Variants in TTC28 observed in about 807,000 individuals in gnomAD.
TTC28 encodes the protein tetratricopeptide repeat domain 28.
TTC28 carries 61 observed loss-of-function variants against 198.0 expected under a neutral mutation model. That is an observed-to-expected ratio of 0.31 (90% CI 0.25 to 0.38). The LOEUF is 0.38. Among genes scored for constraint, TTC28 ranks in the 10% least tolerant of loss-of-function variants. The probability of loss-of-function intolerance (pLI) is 1.00; values close to 1 mark genes in which losing one functional copy is unlikely to be tolerated. For missense variants in TTC28, 2,678 were observed against 3,164.0 expected (o/e 0.85, Z 3.69); for synonymous variants, 1,171 against 1,297.8 (o/e 0.90, Z 2.10).
At chr22:28,391,285 C>A (rs1044961179) in intron 2 of TTC28, among the ~76,000 whole-genome samples, 1 of 152,152 alleles carries the variant, frequency 6.6e-6, no homozygotes, top group Non-Finnish European at 1.5e-5. Flanking sequence ...TTTTTTCCTT[C>A]ATTTCAACTT....
At chr22:28,375,505 T>A (rs1405222965) in intron 2 of TTC28, among the ~76,000 whole-genome samples, 1 of 152,230 alleles carries the variant, frequency 6.6e-6, no homozygotes, top group African/African-American at 2.4e-5. Context: ...TTGTACATTA[T>A]TTAGAGTATT....
intron 2 of TTC28, among the ~76,000 whole-genome samples, chr22:28,621,622 A>T (rs1427166448): frequency 1.3e-5 from 2 of 151,566 alleles, no homozygotes; most frequent in Non-Finnish European, 2.9e-5. Flanking sequence ...ACATGCCTGT[A>T]GTCCCAGCTA....
intron 12 of TTC28, among the ~76,000 whole-genome samples, chr22:28,086,816 T>C (rs1359191847): frequency 6.6e-6 from 1 of 152,036 alleles, no homozygotes; most frequent in African/African-American, 2.4e-5. Flanking sequence ...CAATAAAAAA[T>C]GATAAAGGGG....
chr22:28,637,384 T>A (rs2051292349), intron 1 of TTC28, among the ~76,000 whole-genome samples: 1 of 152,220 alleles, frequency 6.6e-6, no homozygotes, highest in Admixed American at 6.5e-5. Context: ...TTACACTTTA[T>A]GGCATGTGAT....
chr22:28,499,185 T>C (rs534946316), intron 2 of TTC28, among the ~76,000 whole-genome samples: 3 of 152,084 alleles, frequency 2.0e-5, no homozygotes, highest in African/African-American at 7.2e-5. Context: ...TCTAGAAAAA[T>C]AAAATAATAT....
At chr22:28,363,984 T>C (rs1364282479) in intron 2 of TTC28, among the ~76,000 whole-genome samples, 1 of 152,196 alleles carries the variant, frequency 6.6e-6, no homozygotes, top group Non-Finnish European at 1.5e-5. Context: ...TGTGGACTTT[T>C]GAGTTAATAC....
intron 5 of TTC28, among the ~76,000 whole-genome samples, chr22:28,174,186 A>G (rs1189176418): frequency 1.3e-5 from 2 of 152,230 alleles, no homozygotes; most frequent in African/African-American, 4.8e-5. Context: ...ACACATTTGT[A>G]ACATCTTTGA....
In TTC28 at chr22:28,107,810, T is replaced by C; in HGVS notation, c.2035A>G (p.Asn679Asp). 3 of 1,552,014 alleles carry C rather than the reference T, an allele frequency of 1.9e-6. No homozygotes were observed. The highest frequency in any genetic ancestry group is 2.6e-6 in the Non-Finnish European group (3 of 1,147,070). ...DKLSQAKAYC[N>D]LGLAFKALLN... is the part of the protein sequence containing the mutation. Reference sequence around the variant, plus strand: ...AGAGCCTTGAATGCTAGGCCCAAGTTGCAGTAGGCTTTTGCTTGGCTCAAC... The same window carrying C: ...AGAGCCTTGAATGCTAGGCCCAAGTCGCAGTAGGCTTTTGCTTGGCTCAAC... Residue 679 changes from asparagine to aspartate, a missense_variant, in exon 7 of 23, where the codon AAC (asparagine) becomes GAC (aspartate). This residue lies in a region of TTC28 where 775 missense variants were observed against 845.9 expected (regional missense o/e 0.92). Transcript: ENST00000397906.
intron 5 of TTC28, among the ~76,000 whole-genome samples, chr22:28,284,026 T>C (rs534244918): frequency 6.6e-6 from 1 of 152,284 alleles, no homozygotes; most frequent in South Asian, 2.1e-4. Flanking sequence ...AGAAGAGCAC[T>C]TTTTACCTAC....
At chr22:28,452,164 C>T (rs987941032) in intron 2 of TTC28, among the ~76,000 whole-genome samples, 1 of 151,830 alleles carries the variant, frequency 6.6e-6, no homozygotes, top group Non-Finnish European at 1.5e-5. Flanking sequence ...CCAAGGTGGG[C>T]GGATCACAAG....
chr22:27,998,363 T>C, intron 16 of TTC28, 177 bp downstream of exon 16: 1 of 1,057,754 alleles, frequency 9.5e-7, no homozygotes, highest in East Asian at 2.6e-5. Flanking sequence ...ATCTTAATAG[T>C]AGGAAAAACT....
At chr22:28,478,734 A>G (rs75056190) in intron 2 of TTC28, among the ~76,000 whole-genome samples, 3,027 of 152,306 alleles carry the variant, frequency 0.02, 31 homozygotes, top group Non-Finnish European at 0.027. Context: ...AAGTTTCAAA[A>G]AAAATCCAAT....
intron 5 of TTC28, among the ~76,000 whole-genome samples, chr22:28,232,403 A>G (rs1367924562): frequency 1.3e-5 from 2 of 152,242 alleles, no homozygotes; most frequent in African/African-American, 4.8e-5. Flanking sequence ...ATAGGAGCTC[A>G]TATCAAGGCC....
intron 14 of TTC28, among the ~76,000 whole-genome samples, chr22:28,009,959 A>G (rs991852104): frequency 2.0e-5 from 3 of 152,244 alleles, no homozygotes; most frequent in Non-Finnish European, 4.4e-5. Flanking sequence ...ACCTTTAAAA[A>G]GGTTTCACTC....
chr22:28,480,346 T>C (rs1325507390), intron 2 of TTC28, among the ~76,000 whole-genome samples: 1 of 152,170 alleles, frequency 6.6e-6, no homozygotes, highest in East Asian at 1.9e-4. Context: ...GCCATAAAAC[T>C]AAAATTTTAC....
intron 5 of TTC28, among the ~76,000 whole-genome samples, chr22:28,283,995 T>G (rs2044633303): frequency 6.6e-6 from 1 of 152,192 alleles, no homozygotes; most frequent in African/African-American, 2.4e-5. Flanking sequence ...ATAAAGATTA[T>G]CACTCATAAG....
In TTC28 at chr22:28,173,946, C is replaced by T. The variant is rs536815384; in HGVS notation, c.934-10347G>A. Among the ~76,000 whole-genome samples the T allele has an allele frequency of 2.1e-4, 32 of 152,300 alleles. No homozygotes were observed. The South Asian group carries it at 6.6e-3, about 32-fold the overall frequency. The stretch of plus-strand genomic sequence containing the variant: ...TTCAATATAATTGCTGATTGATTCA[C>T]TACATGTCATTGGAAAAATGGGAAA... On this transcript the variant is annotated intron_variant, in intron 5 of 22. Transcript: ENST00000397906.
chr22:28,359,044 T>C (rs943913747), intron 2 of TTC28, among the ~76,000 whole-genome samples: 1 of 152,144 alleles, frequency 6.6e-6, no homozygotes, highest in Non-Finnish European at 1.5e-5. Context: ...TCCTAAGATA[T>C]CACTAGTAAT....
chr22:28,574,774 CAA>C (rs1409534392), intron 2 of TTC28, among the ~76,000 whole-genome samples: 2 of 152,154 alleles, frequency 1.3e-5, no homozygotes, highest in East Asian at 3.9e-4. Context: ...TTCTGATAAA[CAA>C]TGATGTTGAA....
Sources: gnomAD v4.1 joint callset for allele counts (sites outside exome capture counted in the v4.1 genomes callset) on GRCh38, gnomAD v4.1.1 for gene constraint, gnomAD v4.1.1 regional missense constraint, MANE v1.5 for transcripts, NCBI Gene and HGNC (gene_info 2026-07-23, HGNC 2026-07-21) for gene names.